CTNND2: variants seen among roughly 807,000 people sequenced by gnomAD.
CTNND2 encodes catenin delta 2.
A neutral mutation model predicts 144.4 loss-of-function variants in CTNND2; 22 were observed. The observed-to-expected ratio is 0.15, with a 90% CI of 0.11 to 0.22. The LOEUF is 0.22. Ranked by LOEUF, CTNND2 falls within the 10% of genes least tolerant of loss-of-function variation. CTNND2 has a pLI of 1.00. For synonymous variants in CTNND2, 751 were observed against 695.6 expected, an observed-to-expected ratio of 1.08 and a Z score of -1.25; for missense variants, 1,353 against 1,618.8, an observed-to-expected ratio of 0.84 and a Z score of 2.82.
intron 16 of CTNND2, among the ~76,000 whole-genome samples, chr5:11,071,021 G>C (rs187429411): frequency 4.0e-5 from 6 of 151,832 alleles, no homozygotes; most frequent in Non-Finnish European, 1.5e-5. Context: ...AAAAGGCCCA[G>C]GACACAGCAG....
intron 2 of CTNND2, among the ~76,000 whole-genome samples, chr5:11,639,070 G>T (rs553928469): frequency 6.6e-6 from 1 of 152,178 alleles, no homozygotes; most frequent in African/African-American, 2.4e-5. Flanking sequence ...AAAAGGGGGT[G>T]ATTTTGCCCT....
In CTNND2 at chr5:11,527,200, A is replaced by G. The variant is rs538135711; in HGVS notation, c.287+37744T>C. Among the ~76,000 whole-genome samples the G allele has an allele frequency of 2.1e-3, 316 of 152,318 alleles. 3 individuals carry two copies. The highest frequency in any genetic ancestry group is 0.017 in the Middle Eastern group (5 of 294). On this transcript the variant is annotated intron_variant, in intron 3 of 21. Transcript: ENST00000304623. The stretch of plus-strand genomic sequence containing the variant: ...TAATAACACTGAATTTTATACTTAA[A>G]AATTATTAAAATGGTAAATGTTATG...
Position 11,236,745 on chromosome 5 carries a change from G to T in CTNND2, c.1707C>A (p.Asn569Lys). 6.2e-7 allele frequency: 1 copy of T among 1,614,142 alleles called. No individual in the cohort carries two copies. The highest frequency in any genetic ancestry group is 8.5e-7 in the Non-Finnish European group (1 of 1,180,018). The change falls in exon 10 of 22, where the codon AAC becomes AAA. Residue 569 changes from asparagine to lysine, a missense_variant. Asn to Lys is a moderately conservative substitution (Grantham distance 94). This residue lies in a region of CTNND2 where 69 missense variants were observed against 120.3 expected (regional missense o/e 0.57). Coordinates refer to ENST00000304623, the MANE Select transcript of CTNND2 (RefSeq NM_001332.4). Reference protein sequence around the residue: ...LQHQFPSVQSNAAAYLQHLCF... With the variant: ...LQHQFPSVQSKAAAYLQHLCF... ...AGAGGTGTTGCAAGTAGGCTGCCGC[G>T]TTAGACTGGACCGAGGGAAACTGGT... is the stretch of plus-strand genomic sequence containing the variant.
At chr5:11,129,313 A>ATAT (rs1561354120) in intron 12 of CTNND2, among the ~76,000 whole-genome samples, 8 of 73,712 alleles carry the variant, frequency 1.1e-4, no homozygotes, top group Admixed American at 8.4e-4. Context: ...TATATATATA[A>ATAT]ATATATATAA....
chr5:11,240,480 C>T (rs1371615922), intron 9 of CTNND2, among the ~76,000 whole-genome samples: 2 of 123,312 alleles, frequency 1.6e-5, no homozygotes, highest in African/African-American at 3.2e-5. Flanking sequence ...CTCACATACA[C>T]TCAAACACAC....
intron 1 of CTNND2, among the ~76,000 whole-genome samples, chr5:11,825,025 T>G (rs911995977): frequency 6.6e-6 from 1 of 152,144 alleles, no homozygotes; most frequent in Non-Finnish European, 1.5e-5. Context: ...CCTCCAACAC[T>G]AACAGACTCA....
chr5:11,474,009 A>G (rs1767483204), intron 3 of CTNND2, among the ~76,000 whole-genome samples: 1 of 152,228 alleles, frequency 6.6e-6, no homozygotes, highest in African/African-American at 2.4e-5. Context: ...AATAAGCAGT[A>G]ATCGAGAGCC....
intron 6 of CTNND2, among the ~76,000 whole-genome samples, chr5:11,391,970 T>C (rs970982419): frequency 1.3e-5 from 2 of 152,154 alleles, no homozygotes; most frequent in African/African-American, 4.8e-5. Context: ...AAAAGGACCA[T>C]AAAAGCAACT....
intron 7 of CTNND2, among the ~76,000 whole-genome samples, chr5:11,382,593 CTCTG>C (rs1163157829): frequency 1.4e-4 from 8 of 55,912 alleles, no homozygotes; most frequent in South Asian, 7.6e-4. Context: ...CAGAGTGAGA[CTCTG>C]TGTGTGTGTG....
chr5:10,991,981 G>C (rs376431267), intron 19 of CTNND2, among the ~76,000 whole-genome samples: 2 of 152,168 alleles, frequency 1.3e-5, no homozygotes, highest in Non-Finnish European at 2.9e-5. Context: ...GCAGTGGCGC[G>C]ATCTCTGCTC....
intron 18 of CTNND2, among the ~76,000 whole-genome samples, chr5:11,003,288 T>C (rs1160389363): frequency 1.3e-5 from 2 of 152,196 alleles, no homozygotes; most frequent in Non-Finnish European, 2.9e-5. Context: ...CACTCAGGGC[T>C]TAGTACTTAC....
At chr5:11,782,288 C>T (rs781539461) in intron 1 of CTNND2, among the ~76,000 whole-genome samples, 3 of 152,018 alleles carry the variant, frequency 2.0e-5, no homozygotes, top group Non-Finnish European at 2.9e-5. Context: ...CCAAGAGACA[C>T]GATGCAATTG....
intron 3 of CTNND2, among the ~76,000 whole-genome samples, chr5:11,420,512 G>A (rs1480047408): frequency 6.6e-6 from 1 of 152,144 alleles, no homozygotes; most frequent in African/African-American, 2.4e-5. Flanking sequence ...TTAGCCTCAA[G>A]TACTGTGAAA....
chr5:11,374,136 C>T (rs780992175), intron 7 of CTNND2, among the ~76,000 whole-genome samples: 4 of 152,136 alleles, frequency 2.6e-5, no homozygotes, highest in Non-Finnish European at 4.4e-5. Context: ...TAACCATACC[C>T]TTCAAGTGAG....
At chr5:11,830,286 G>A (rs1411834168) in intron 1 of CTNND2, among the ~76,000 whole-genome samples, 1 of 152,182 alleles carries the variant, frequency 6.6e-6, no homozygotes, top group African/African-American at 2.4e-5. Context: ...GTGAGGACAT[G>A]AGATTTGGGA....
chr5:11,620,956 A>C (rs1009928526), intron 2 of CTNND2, among the ~76,000 whole-genome samples: 1 of 152,112 alleles, frequency 6.6e-6, no homozygotes, highest in Non-Finnish European at 1.5e-5. Context: ...ATTAGCCAAA[A>C]TGTGGTCTGC....
intron 2 of CTNND2, among the ~76,000 whole-genome samples, chr5:11,656,563 C>T (rs1242938804): frequency 6.6e-6 from 1 of 152,040 alleles, no homozygotes; most frequent in Admixed American, 6.6e-5. Context: ...TGCACTGTTA[C>T]CACCAATGAC....
At chr5:11,387,417 G>A (rs966367780) in intron 6 of CTNND2, among the ~76,000 whole-genome samples, 4 of 152,062 alleles carry the variant, frequency 2.6e-5, no homozygotes, top group South Asian at 4.2e-4. Flanking sequence ...TTTGGAGGGT[G>A]CGGAGTGGGC....
intron 16 of CTNND2, among the ~76,000 whole-genome samples, chr5:11,037,717 T>G (rs1339587410): frequency 2.0e-5 from 3 of 152,334 alleles, no homozygotes; most frequent in Non-Finnish European, 4.4e-5. Context: ...CAGGTTATGC[T>G]TATAAAGACT....
Sources: allele counts gnomAD v4.1 joint callset (sites outside exome capture counted in the v4.1 genomes callset), GRCh38; gene constraint gnomAD v4.1.1; regional missense constraint gnomAD v4.1.1; transcripts MANE v1.5; gene names NCBI Gene and HGNC (gene_info 2026-07-23, HGNC 2026-07-21).